Variants in ADARB2 observed in about 807,000 individuals in gnomAD.
ADARB2 encodes the protein adenosine deaminase RNA specific B2 (inactive), also known as inactive double-stranded RNA-specific editase B2.
Under a neutral mutation model 62.2 loss-of-function variants are expected in ADARB2, and 25 were observed. That is an observed-to-expected ratio of 0.40 (90% CI 0.29 to 0.56). ADARB2 has a LOEUF of 0.56. ADARB2 is among the 20% of genes least tolerant of loss of function. The pLI is 0.43. For missense variants in ADARB2, 1,071 were observed against 1,077.4 expected (o/e 0.99, Z 0.08); for synonymous variants, 572 against 500.8 (o/e 1.14, Z -1.90).
intron 1 of ADARB2, among the ~76,000 whole-genome samples, chr10:1,668,401 T>C (rs1376930443): frequency 6.6e-6 from 1 of 152,224 alleles, no homozygotes; most frequent in Non-Finnish European, 1.5e-5. Context: ...TGTGTGCTGT[T>C]AGTGCAGTGG....
intron 3 of ADARB2, among the ~76,000 whole-genome samples, chr10:1,278,027 T>G (rs1433179745): frequency 1.3e-5 from 2 of 152,064 alleles, no homozygotes; most frequent in Non-Finnish European, 2.9e-5. Context: ...TGGACCTCAG[T>G]GGCATGATCT....
In ADARB2 at chr10:1,343,725, A is replaced by G. The variant is rs114680708; in HGVS notation, c.1077+19303T>C. ...GAACCAGATCATGTCTTCTGCAGGA[A>G]CATGGATGGAGCTGGAAGCCCTTAT... is the stretch of plus-strand genomic sequence containing the variant. On this transcript the variant is annotated intron_variant, in intron 3 of 9. Coordinates refer to ENST00000381312, the MANE Select transcript of ADARB2 (RefSeq NM_018702.4). 8.3e-3 allele frequency among the ~76,000 whole-genome samples: 1,260 copies of G among 152,350 alleles called. 10 individuals carry two copies. Among genetic ancestry groups the G allele is most frequent in the African/African-American group, 0.019 (775 of 41,580 alleles).
intron 1 of ADARB2, among the ~76,000 whole-genome samples, chr10:1,727,488 CT>C (rs1835181077): frequency 6.6e-6 from 1 of 152,098 alleles, no homozygotes; most frequent in African/African-American, 2.4e-5. Context: ...TTAAGAAATT[CT>C]TATTACAAAA....
At position 1,439,688 on chromosome 10, in the gene ADARB2, A is replaced by G. The variant is rs1453436342; in HGVS notation, c.101-60528T>C. On this transcript the variant is annotated intron_variant, in intron 1 of 9. Coordinates refer to ENST00000381312, the MANE Select transcript of ADARB2 (RefSeq NM_018702.4). ...TGGGGCTCCTGAGTCTCCTCAGCAG[A>G]TGGAGGCAGGTCCTTCACTATGGGG... Among the ~76,000 whole-genome samples, 3 of 145,424 alleles carry G rather than the reference A, an allele frequency of 2.1e-5. No homozygotes were observed. In the East Asian group the frequency reaches 6.5e-4, roughly 32 times the overall value.
intron 5 of ADARB2, among the ~76,000 whole-genome samples, chr10:1,241,742 C>T (rs931702166): frequency 2.0e-4 from 30 of 152,312 alleles, no homozygotes; most frequent in Admixed American, 2.0e-3. Flanking sequence ...GAAGACAGCG[C>T]GTCTCCAAGC....
chr10:1,619,546 G>A (rs1229088154), intron 1 of ADARB2, among the ~76,000 whole-genome samples: 1 of 152,172 alleles, frequency 6.6e-6, no homozygotes, highest in Non-Finnish European at 1.5e-5. Context: ...CCACCTCCCA[G>A]GTTCAAGCAA....
chr10:1,572,197 TG>T (rs1564334430), intron 1 of ADARB2, among the ~76,000 whole-genome samples: 1 of 121,164 alleles, frequency 8.3e-6, no homozygotes, highest in Admixed American at 8.4e-5. Context: ...GTGAGTGTGC[TG>T]GTGAGTGTGC....
intron 1 of ADARB2, among the ~76,000 whole-genome samples, chr10:1,462,393 G>C (rs535567982): frequency 3.0e-4 from 46 of 152,358 alleles, no homozygotes; most frequent in African/African-American, 1.1e-3. Flanking sequence ...CTCCACACAA[G>C]CCTCTACCTG....
chr10:1,598,255 C>T (rs1462800223), intron 1 of ADARB2, among the ~76,000 whole-genome samples: 9 of 151,742 alleles, frequency 5.9e-5, no homozygotes, highest in Non-Finnish European at 4.4e-5. Flanking sequence ...TGCACTGGGA[C>T]ATCCCCTGCT....
At chr10:1,711,341 C>T (rs887985107) in intron 1 of ADARB2, among the ~76,000 whole-genome samples, 3 of 152,206 alleles carry the variant, frequency 2.0e-5, no homozygotes, top group Non-Finnish European at 4.4e-5. Flanking sequence ...ACCCGCTGGA[C>T]ACCCGGTGCC....
chr10:1,701,141 A>T (rs112219998), intron 1 of ADARB2, among the ~76,000 whole-genome samples: 1 of 1,510 alleles, frequency 6.6e-4, no homozygotes, highest in African/African-American at 7.4e-4. Context: ...GCCAATACAC[A>T]CAATCCCACT....
intron 9 of ADARB2, among the ~76,000 whole-genome samples, chr10:1,184,139 C>G (rs999309161): frequency 8.5e-5 from 13 of 152,196 alleles, no homozygotes; most frequent in Non-Finnish European, 1.5e-4. Context: ...TCTAAGTTGG[C>G]TAAAACGTTT....
At chr10:1,553,140 C>T (rs1434364360) in intron 1 of ADARB2, among the ~76,000 whole-genome samples, 1 of 152,208 alleles carries the variant, frequency 6.6e-6, no homozygotes, top group African/African-American at 2.4e-5. Context: ...TACCAGACAC[C>T]AGGTGGCTCA....
intron 4 of ADARB2, among the ~76,000 whole-genome samples, chr10:1,264,609 C>A (rs1831176504): frequency 6.6e-6 from 1 of 152,216 alleles, no homozygotes; most frequent in Non-Finnish European, 1.5e-5. Flanking sequence ...CTTATGTGCT[C>A]ATTTTAGGTT....
intron 4 of ADARB2, among the ~76,000 whole-genome samples, chr10:1,258,563 A>G (rs781435708): frequency 6.6e-6 from 1 of 152,242 alleles, no homozygotes; most frequent in African/African-American, 2.4e-5. Context: ...AGGCCATTAC[A>G]TAATGGTAAA....
intron 1 of ADARB2, among the ~76,000 whole-genome samples, chr10:1,657,981 GTC>G (rs140696454): frequency 6.8e-5 from 6 of 88,034 alleles, no homozygotes; most frequent in Admixed American, 3.8e-4. Context: ...CTCTATCTCA[GTC>G]TCTCTCTCTC....
chr10:1,482,392 A>G (rs1831485746), intron 1 of ADARB2, among the ~76,000 whole-genome samples: 1 of 152,244 alleles, frequency 6.6e-6, no homozygotes, highest in Admixed American at 6.5e-5. Context: ...TTTGTGCATA[A>G]TGGAGGCATT....
chr10:1,574,642 C>A (rs1832986121), intron 1 of ADARB2, among the ~76,000 whole-genome samples: 1 of 152,192 alleles, frequency 6.6e-6, no homozygotes, highest in Non-Finnish European at 1.5e-5. Flanking sequence ...GGTCCTCCCT[C>A]TGTGCATGTC....
intron 1 of ADARB2, among the ~76,000 whole-genome samples, chr10:1,576,077 A>AAAGGGAAGTTCAGGACCCATG (rs1833013010): frequency 3.3e-4 from 7 of 21,516 alleles, no homozygotes; most frequent in African/African-American, 6.9e-4. Context: ...CCAGGGTCAC[A>AAAGGGAAGTTCAGGACCCATG]GGAGGGGGCT....
Sources: allele counts gnomAD v4.1 joint callset (sites outside exome capture counted in the v4.1 genomes callset), GRCh38; gene constraint gnomAD v4.1.1; transcripts MANE v1.5; gene names NCBI Gene and HGNC (gene_info 2026-07-23, HGNC 2026-07-21).